DHPS: variants seen among roughly 807,000 people sequenced by gnomAD.
DHPS encodes the protein deoxyhypusine synthase, also known as migration-inducing gene 13.
Under a neutral mutation model 38.7 loss-of-function variants are expected in DHPS, and 24 were observed. The observed-to-expected ratio is 0.62, with a 90% CI of 0.45 to 0.87. DHPS has a LOEUF of 0.87. Among genes scored for constraint, DHPS ranks in the 40% least tolerant of loss-of-function variants. DHPS has a pLI of 0.00. For synonymous variants in DHPS, 250 were observed against 204.4 expected, an observed-to-expected ratio of 1.22 and a Z score of -1.90; for missense variants, 510 against 497.6, an observed-to-expected ratio of 1.02 and a Z score of -0.24.
chr19:12,680,467 TCTC>T (rs1599384962), intron 1 of DHPS, 142 bp from the exon 2 acceptor site: 2 of 797,766 alleles, frequency 2.5e-6, no homozygotes, highest in East Asian at 5.2e-5. Flanking sequence ...CCAAGGAACA[TCTC>T]CTGTGTAAAC....
chr19:12,675,990 C>A, intron 8 of DHPS, 27 bp downstream of exon 8: 1 of 1,610,656 alleles, frequency 6.2e-7, no homozygotes, highest in Admixed American at 1.7e-5. Flanking sequence ...TCCCAGAGAC[C>A]CTATGCCCCA....
At chr19:12,675,957 A>C (rs1481118538) in intron 8 of DHPS, 24 bp from the exon 9 acceptor site, 7 of 1,602,520 alleles carry the variant, frequency 4.4e-6, no homozygotes, top group Non-Finnish European at 6.0e-6. Flanking sequence ...AACCTGGGTA[A>C]GCCATGGGAC....
intron 7 of DHPS, 25 bp from the exon 8 acceptor site, chr19:12,676,167 G>A (rs766385474): frequency 6.3e-7 from 1 of 1,581,668 alleles, no homozygotes; most frequent in Admixed American, 1.7e-5. Context: ...GGGCACGGTG[G>A]GCCCAGTCAG....
chr19:12,680,468 C>T, intron 1 of DHPS, 143 bp from the exon 2 acceptor site: 1 of 795,926 alleles, frequency 1.3e-6, no homozygotes, highest in South Asian at 1.6e-5. Flanking sequence ...CAAGGAACAT[C>T]TCCTGTGTAA....
intron 4 of DHPS, 21 bp from the exon 5 acceptor site, chr19:12,679,564 C>T (rs1456824458): frequency 1.2e-6 from 2 of 1,614,096 alleles, no homozygotes; most frequent in Non-Finnish European, 1.7e-6. Context: ...ATGTGACCTT[C>T]AGGCCATGCC....
At chr19:12,675,642 G>C (rs776412564), downstream of DHPS, 10 of 1,601,702 alleles carry the variant, frequency 6.2e-6, no homozygotes, top group Non-Finnish European at 7.6e-6. Context: ...GGCGAGAGGA[G>C]GCCTATGAGG....
At position 12,675,886 on chromosome 19, in the gene DHPS, G is replaced by A; in HGVS notation, c.1062C>T (p.Thr354=). 1.2e-6 allele frequency: 2 copies of A among 1,610,394 alleles called. No individual in the cohort carries two copies. The highest frequency in any genetic ancestry group is 1.7e-6 in the Non-Finnish European group (2 of 1,178,194). ...SLVFPLLVAE[T]FAQKMDAFMH... is the part of the protein sequence containing the mutation. Reference sequence around the variant, plus strand: ...TGAAGGCATCCATCTTCTGGGCAAAGGTTTCAGCCACAAGCAGGGGGAAGA... The same window carrying A: ...TGAAGGCATCCATCTTCTGGGCAAAAGTTTCAGCCACAAGCAGGGGGAAGA... The change falls in exon 9 of 9, where the codon ACC becomes ACT. Residue 354 remains threonine (T), a synonymous_variant. Coordinates refer to ENST00000210060, the MANE Select transcript of DHPS (RefSeq NM_001930.4).
chr19:12,672,726 AG>A, downstream of DHPS: 1 of 1,038,984 alleles, frequency 9.6e-7, no homozygotes, highest in East Asian at 2.6e-5. Context: ...TCAAGGCCAG[AG>A]CTTCAGAATT....
Position 12,677,217 on chromosome 19 carries a change from G to A in DHPS, c.785-6C>T. The stretch of plus-strand genomic sequence containing the variant: ...TGTGTTGATGAGCCTCAGGTCTGGG[G>A]GAAGAGCGCCGAAGTCAGGCCTTGG... On this transcript the variant is annotated splice_polypyrimidine_tract_variant and splice_region_variant and intron_variant, in intron 6 of 8. Transcript: ENST00000210060. The A allele has an allele frequency of 6.2e-7, 1 of 1,614,208 alleles. No individual in the cohort carries two copies. Among genetic ancestry groups the A allele is most frequent in the African/African-American group, 1.3e-5 (1 of 75,070 alleles).
At position 12,680,153 on chromosome 19, in the gene DHPS, G is replaced by A. The variant is rs771950492; in HGVS notation, c.372+8C>T. The A allele has an allele frequency of 8.7e-6, 14 of 1,613,740 alleles. No individual in the cohort carries two copies. The highest frequency in any genetic ancestry group is 1.2e-5 in the Non-Finnish European group (14 of 1,179,806). ...GAGGCCAAGGCCACGGCCTCACCAG[G>A]TCCCCACCATGTTGTGCTGCACAAG... On this transcript the variant is annotated splice_region_variant and intron_variant, in intron 2 of 8. Transcript: ENST00000210060.
At chr19:12,678,500 T>C (rs2024689653) in intron 5 of DHPS, among the ~76,000 whole-genome samples, 3 of 151,834 alleles carry the variant, frequency 2.0e-5, no homozygotes, top group Admixed American at 2.0e-4. Context: ...CTGGGTGTGG[T>C]GGCTCACCCC....
rs775193789 is a variant in DHPS, at chr19:12,681,776, G to A, written c.-10C>T. ...CCAGGGAACCTTCCATGCGCCTATA[G>A]CCGGCTCTCGAGTCAAAGCTGCCCC... On this transcript the variant is annotated 5_prime_UTR_variant, in exon 1 of 9. Transcript: ENST00000210060. 38 of 1,603,678 alleles carry A rather than the reference G, an allele frequency of 2.4e-5. No homozygotes were observed. Among genetic ancestry groups the A allele is most frequent in the Non-Finnish European group, 3.2e-5 (38 of 1,179,100 alleles).
intron 5 of DHPS, 56 bp from the exon 6 acceptor site, chr19:12,677,452 G>T: frequency 6.9e-7 from 1 of 1,448,454 alleles, no homozygotes; most frequent in Non-Finnish European, 9.6e-7. Context: ...CTCCATGCTG[G>T]CTATATGACT....
At chr19:12,676,213 G>C in intron 7 of DHPS, 71 bp from the exon 8 acceptor site, 2 of 1,505,508 alleles carry the variant, frequency 1.3e-6, no homozygotes, top group African/African-American at 2.8e-5. Context: ...GGAGGACACC[G>C]TAGCCAAACA....
rs549658896 is a variant in DHPS at position 12,676,224 on chromosome 19, G to A, written c.889-82C>T. 28 of 1,468,468 alleles carry A rather than the reference G, an allele frequency of 1.9e-5. 1 individual carries two copies. The African/African-American group carries it at 2.8e-4, about 15-fold the overall frequency. 91.0% of individuals were successfully genotyped at this position (1,468,468 alleles called of 1,614,324 possible). ...AGAGGGAGGACACCGTAGCCAAACA[G>A]GCTGAGAGGTGTGTCCCAGATGAAG... On this transcript the variant is annotated intron_variant, in intron 7 of 8. Transcript: ENST00000210060.
chr19:12,676,373 C>T (rs1243049732), intron 7 of DHPS: 4 of 548,550 alleles, frequency 7.3e-6, no homozygotes, highest in Non-Finnish European at 9.5e-6. Flanking sequence ...CAACCCTGCC[C>T]CATCTGCAAG....
At chr19:12,676,391 C>G (rs1350780264) in intron 7 of DHPS, 3 of 493,770 alleles carry the variant, frequency 6.1e-6, no homozygotes, top group African/African-American at 5.8e-5. Context: ...AAGGCAGGAG[C>G]TGCCAGCAAC....
In DHPS at chr19:12,677,147, C is replaced by A; in HGVS notation, c.849G>T (p.Gly283=). 1 of 1,614,214 alleles carries A rather than the reference C, an allele frequency of 6.2e-7. No individual in the cohort carries two copies. Among genetic ancestry groups the A allele is most frequent in the African/African-American group, 1.3e-5 (1 of 75,056 alleles). ...TGGCAATGTGGTGCTTGACCACGCC[C>A]CCGCCCAGAATGATCATCCCAGTGC... ...AKCTGMIILG[G]GVVKHHIANA... The change falls in exon 7 of 9, where the codon GGG becomes GGT. Residue 283 remains glycine, a synonymous_variant. Coordinates refer to ENST00000210060, the MANE Select transcript of DHPS (RefSeq NM_001930.4).
At chr19:12,679,767 A>G in intron 3 of DHPS, 34 bp downstream of exon 3, 1 of 1,614,108 alleles carries the variant, frequency 6.2e-7, no homozygotes, top group East Asian at 2.2e-5. Flanking sequence ...CCCTTGGTCC[A>G]GCTCCCCTGC....
Sources: gnomAD v4.1 joint callset for allele counts (sites outside exome capture counted in the v4.1 genomes callset) on GRCh38, gnomAD v4.1.1 for gene constraint, MANE v1.5 for transcripts, NCBI Gene and HGNC (gene_info 2026-07-23, HGNC 2026-07-21) for gene names.